RFX2: variants seen among roughly 807,000 people sequenced by gnomAD.
The protein encoded by RFX2 is regulatory factor X2.
Under a neutral mutation model 87.8 loss-of-function variants are expected in RFX2, and 20 were observed. The observed-to-expected ratio is 0.23, with a 90% confidence interval of 0.16 to 0.33. RFX2 has a LOEUF of 0.33. RFX2 is among the 10% of genes least tolerant of loss of function. The pLI is 1.00. For synonymous variants in RFX2, 397 were observed against 431.3 expected, an observed-to-expected ratio of 0.92 and a Z score of 0.98; for missense variants, 767 against 1,012.3, an observed-to-expected ratio of 0.76 and a Z score of 3.29.
At chr19:6,106,070 C>G (rs1026262598) in intron 1 of RFX2, among the ~76,000 whole-genome samples, 1 of 152,234 alleles carries the variant, frequency 6.6e-6, no homozygotes, top group East Asian at 1.9e-4. Context: ...TTTGCCACTC[C>G]TCCTTCACCT....
In RFX2 at chr19:6,007,037, G is replaced by A; in HGVS notation, c.1377C>T (p.Ile459=). 1 of 1,614,158 alleles carries A rather than the reference G, an allele frequency of 6.2e-7. No individual in the cohort carries two copies. Among genetic ancestry groups the A allele is most frequent in the South Asian group, 1.1e-5 (1 of 91,090 alleles). ...TGGGGACCGGCCTCAGCACGTCGGG[G>A]ATGAGAATCTCCACCAGCGCCTGGT... The part of the protein sequence containing the change: ...ILYQALVEIL[I]PDVLRPVPST... Residue 459 remains isoleucine (I), a synonymous_variant, in exon 12 of 18, where the codon ATC becomes ATT. Coordinates refer to ENST00000303657, the MANE Select transcript of RFX2 (RefSeq NM_000635.4). This position sits in a 1 kb window ranked among gnomAD's most constrained non-coding sequence, Gnocchi z 8.2.
rs768811405 is a variant in RFX2 at position 6,013,031 on chromosome 19, G to T, written c.854C>A (p.Thr285Lys). 2 of 1,602,784 alleles carry T rather than the reference G, an allele frequency of 1.2e-6. No individual in the cohort carries two copies. The highest frequency in any genetic ancestry group is 1.7e-6 in the Non-Finnish European group (2 of 1,175,022). The part of the protein sequence containing the change: ...DSPLNRLQED[T>K]QYMAMRQQPM... The stretch of plus-strand genomic sequence containing the variant: ...CTGCTGCCGCATGGCCATGTACTGC[G>T]TGTCCTCCTGCAGCCGGTTCAGTGG... Residue 285 changes from threonine to lysine, a missense_variant, in exon 8 of 18, where the codon ACG becomes AAG. Physicochemically the swap from Thr to Lys is moderately conservative, Grantham distance 78. Around this residue, in one of 2 missense-constraint regions of RFX2, gnomAD observed 621 missense variants for 873.0 expected, o/e 0.71. Transcript: ENST00000303657. This position sits in a 1 kb window ranked among gnomAD's most constrained non-coding sequence, Gnocchi z 4.1.
Position 6,040,409 on chromosome 19 carries a change from A to G in RFX2, c.261-168T>C, listed in dbSNP as rs1462768607. ...ACACTCAAATGCAGCGCAAGTTCAC[A>G]GCCACCATGTTGCAAAATCTTTAGG... is the stretch of plus-strand genomic sequence containing the variant. On this transcript the variant is annotated intron_variant, in intron 4 of 17. Transcript: ENST00000303657. The surrounding 1 kb of genome is among the most constrained non-coding windows in gnomAD (Gnocchi z 6.1). Among the ~76,000 whole-genome samples, 1 of 152,206 alleles carries G rather than the reference A, an allele frequency of 6.6e-6. No homozygotes were observed. Among genetic ancestry groups the G allele is most frequent in the Admixed American group, 6.5e-5 (1 of 15,278 alleles).
chr19:6,013,192 T>A lies in RFX2; in HGVS notation c.780-87A>T. The A allele has an allele frequency of 9.0e-6, 4 of 443,100 alleles. No individual in the cohort carries two copies. The highest frequency in any genetic ancestry group is 1.3e-5 in the Non-Finnish European group (4 of 302,100). The allele number at this position is 443,100 out of a possible 1,614,324, so 27.4% of individuals were successfully genotyped here. A position where few individuals can be genotyped will look rare whatever the true frequency, so the allele number is the denominator to read the frequency against. On this transcript the variant is annotated intron_variant, in intron 7 of 17. Coordinates refer to ENST00000303657, the MANE Select transcript of RFX2 (RefSeq NM_000635.4). The surrounding 1 kb of genome is among the most constrained non-coding windows in gnomAD (Gnocchi z 4.1). ...TGGGATTCTTTTTCTTTCTTTCTTC[T>A]TTTTTTTTTTTGAGACAGAATCTCA...
At chr19:6,037,860 T>C in intron 5 of RFX2, among the ~76,000 whole-genome samples, 1 of 152,084 alleles carries the variant, frequency 6.6e-6, no homozygotes, top group East Asian at 1.9e-4. Flanking sequence ...CACACACATA[T>C]GGCCAACTGA....
intron 1 of RFX2, chr19:6,073,067 C>T (rs2144838951): frequency 2.2e-6 from 1 of 460,726 alleles, no homozygotes; most frequent in Admixed American, 3.4e-5. Flanking sequence ...GCAACCTCCG[C>T]CTTCCGGGTT....
intron 1 of RFX2, among the ~76,000 whole-genome samples, chr19:6,049,530 T>G (rs1440111534): frequency 2.0e-5 from 3 of 152,162 alleles, no homozygotes; most frequent in Non-Finnish European, 4.4e-5. Flanking sequence ...CCCTAATTTA[T>G]TTTTATTAAT....
chr19:6,098,272 C>T (rs1204984227), intron 1 of RFX2, among the ~76,000 whole-genome samples: 2 of 152,110 alleles, frequency 1.3e-5, no homozygotes, highest in East Asian at 3.9e-4. Context: ...GCATTAAAAA[C>T]GACCTCTCCT....
At chr19:6,081,425 C>T (rs2087783180) in intron 1 of RFX2, among the ~76,000 whole-genome samples, 1 of 152,228 alleles carries the variant, frequency 6.6e-6, no homozygotes, top group African/African-American at 2.4e-5. Context: ...AACCAAGTAA[C>T]ACTAAGCCCA....
chr19:6,070,112 G>A (rs2087579348), intron 1 of RFX2, among the ~76,000 whole-genome samples: 1 of 139,042 alleles, frequency 7.2e-6, no homozygotes, highest in Non-Finnish European at 1.6e-5. Flanking sequence ...GATGGGATGG[G>A]ATGGGATGGG....
rs369571327 is a variant in RFX2, at chr19:6,007,837, C to A, written c.1135-35G>T. The A allele has an allele frequency of 2.9e-5, 40 of 1,392,260 alleles. No individual in the cohort carries two copies. Among genetic ancestry groups the A allele is most frequent in the Non-Finnish European group, 3.8e-5 (38 of 1,001,800 alleles). 86.2% of individuals were successfully genotyped at this position (1,392,260 alleles called of 1,614,324 possible). Reference sequence around the variant, plus strand: ...AAGGGACCGGTGAGACAGACGGGTGCGTGCGCCCATCACGTGCACTCAGCA... The same window carrying A: ...AAGGGACCGGTGAGACAGACGGGTGAGTGCGCCCATCACGTGCACTCAGCA... On this transcript the variant is annotated intron_variant, in intron 10 of 17. Coordinates refer to ENST00000303657, the MANE Select transcript of RFX2 (RefSeq NM_000635.4). This position sits in a 1 kb window ranked among gnomAD's most constrained non-coding sequence, Gnocchi z 8.2.
chr19:5,997,052 G>T lies in RFX2; in HGVS notation c.2013+8C>A, dbSNP rs769104835. The T allele has an allele frequency of 1.2e-6, 2 of 1,607,424 alleles. No homozygotes were observed. The highest frequency in any genetic ancestry group is 4.5e-5 in the East Asian group (2 of 44,852). ...AGCCCCGGCCGTCCCACCCAGGAGG[G>T]TCCTCACCTCTCCCATCACAGCGAT... On this transcript the variant is annotated splice_region_variant and intron_variant, in intron 16 of 17. Transcript: ENST00000303657. The surrounding 1 kb of genome is among the most constrained non-coding windows in gnomAD (Gnocchi z 4.2).
chr19:6,003,316 C>G (rs948340896), intron 13 of RFX2, among the ~76,000 whole-genome samples: 5 of 152,268 alleles, frequency 3.3e-5, no homozygotes, highest in South Asian at 2.1e-4. Context: ...CCTCCAGTCT[C>G]TGTCTCCCAA....
intron 6 of RFX2, among the ~76,000 whole-genome samples, chr19:6,019,280 G>A (rs917525884): frequency 1.3e-5 from 2 of 152,132 alleles, no homozygotes; most frequent in African/African-American, 4.8e-5. Context: ...TTTGGGAAAA[G>A]GGACATCAGA....
chr19:6,042,424 C>CT (rs2087124250), intron 3 of RFX2, among the ~76,000 whole-genome samples: 1 of 152,182 alleles, frequency 6.6e-6, no homozygotes, highest in Admixed American at 6.5e-5. Context: ...TGACAACGCT[C>CT]CTCCAGTGCA....
chr19:6,092,598 G>A (rs1022419281), intron 1 of RFX2, among the ~76,000 whole-genome samples: 7 of 152,190 alleles, frequency 4.6e-5, no homozygotes, highest in Non-Finnish European at 1.0e-4. Context: ...CAGCAGCCAG[G>A]CCTCCCCAAG....
In RFX2 at chr19:6,017,769, C is replaced by T. The variant is rs2086749542; in HGVS notation, c.598-1498G>A. Among the ~76,000 whole-genome samples, 1 of 152,080 alleles carries T rather than the reference C, an allele frequency of 6.6e-6. No homozygotes were observed. Among genetic ancestry groups the T allele is most frequent in the African/African-American group, 2.4e-5 (1 of 41,422 alleles). ...GGGCATGTTGGGCTCCTGCACAGCC[C>T]TTGGCCTGGGAAGCCCTTGTCCCTG... On this transcript the variant is annotated intron_variant, in intron 6 of 17. Coordinates refer to ENST00000303657, the MANE Select transcript of RFX2 (RefSeq NM_000635.4). This position sits in a 1 kb window ranked among gnomAD's most constrained non-coding sequence, Gnocchi z 4.1.
At chr19:6,109,836 C>A (rs1300038367) in intron 1 of RFX2, among the ~76,000 whole-genome samples, 1 of 140,562 alleles carries the variant, frequency 7.1e-6, no homozygotes, top group Non-Finnish European at 1.5e-5. Context: ...TCAGAGAATT[C>A]GAGGGTTTGA....
intron 1 of RFX2, among the ~76,000 whole-genome samples, chr19:6,082,256 T>C (rs949779688): frequency 6.8e-5 from 10 of 147,072 alleles, no homozygotes; most frequent in Non-Finnish European, 1.3e-4. Flanking sequence ...ATCGTTCCAT[T>C]GCATTCCAGC....
Sources: allele counts gnomAD v4.1 joint callset (sites outside exome capture counted in the v4.1 genomes callset), GRCh38; gene constraint gnomAD v4.1.1; regional missense constraint gnomAD v4.1.1; non-coding constraint Gnocchi (gnomAD v3.1); transcripts MANE v1.5; gene names NCBI Gene and HGNC (gene_info 2026-07-23, HGNC 2026-07-21).